FTO: variants seen among roughly 807,000 people sequenced by gnomAD.
FTO encodes FTO alpha-ketoglutarate dependent dioxygenase.
FTO carries 47 observed loss-of-function variants against 63.9 expected under a neutral mutation model. The ratio of observed to expected loss-of-function variants is 0.74; its 90% CI spans 0.58 to 0.94. The LOEUF (loss-of-function observed/expected upper bound fraction) is 0.94. Ranked by LOEUF, FTO falls within the 40% of genes least tolerant of loss-of-function variation. The pLI is 0.00. For synonymous variants in FTO, 207 were observed against 224.4 expected, an observed-to-expected ratio of 0.92 and a Z score of 0.69; for missense variants, 562 against 618.1, an observed-to-expected ratio of 0.91 and a Z score of 0.96.
chr16:53,871,974 A>G (rs904824971), intron 4 of FTO, among the ~76,000 whole-genome samples: 4 of 151,908 alleles, frequency 2.6e-5, no homozygotes, highest in Non-Finnish European at 5.9e-5. Flanking sequence ...TAATCCACCC[A>G]CTTCGGCCTC....
At chr16:53,774,650 A>G (rs189965208) in intron 1 of FTO, among the ~76,000 whole-genome samples, 108 of 152,238 alleles carry the variant, frequency 7.1e-4, no homozygotes, top group Non-Finnish European at 1.3e-3. Flanking sequence ...ACTATGTGAG[A>G]TAGGGAAATA....
chr16:54,074,950 G>A (rs865795000), intron 8 of FTO, among the ~76,000 whole-genome samples: 1 of 147,288 alleles, frequency 6.8e-6, no homozygotes. Flanking sequence ...GTGTGTGTGT[G>A]TGTGTAAACT....
intron 8 of FTO, among the ~76,000 whole-genome samples, chr16:54,108,935 T>C (rs1281870441): frequency 6.6e-6 from 1 of 152,094 alleles, no homozygotes; most frequent in Non-Finnish European, 1.5e-5. Context: ...GAAGAATGAG[T>C]GACCTGAGCA....
chr16:53,774,306 C>T (rs1407798348), intron 1 of FTO, among the ~76,000 whole-genome samples: 2 of 152,118 alleles, frequency 1.3e-5, no homozygotes, highest in African/African-American at 4.8e-5. Context: ...ACAATAACTT[C>T]TCAATATACC....
chr16:53,783,285 A>G (rs920217501), intron 1 of FTO, among the ~76,000 whole-genome samples: 13 of 151,852 alleles, frequency 8.6e-5, no homozygotes, highest in African/African-American at 3.1e-4. Flanking sequence ...TCCGAGACCA[A>G]CCCGGCCAAG....
chr16:53,841,763 A>G (rs8055484), intron 3 of FTO, among the ~76,000 whole-genome samples: 69,315 of 152,090 alleles, frequency 0.46, 16,317 homozygotes, highest in South Asian at 0.55. Context: ...TATGTGATAT[A>G]TACATGATAC....
chr16:53,756,647 T>A (rs1291669080), intron 1 of FTO, among the ~76,000 whole-genome samples: 2 of 152,210 alleles, frequency 1.3e-5, no homozygotes, highest in Non-Finnish European at 2.9e-5. Flanking sequence ...TTTCAAAACT[T>A]TTGAAAGAGA....
chr16:53,866,172 A>G lies in FTO; in HGVS notation c.896-7614A>G, dbSNP rs376131425. Among the ~76,000 whole-genome samples, 6 of 151,798 alleles carry G rather than the reference A, an allele frequency of 4.0e-5. 1 individual carries two copies. Among genetic ancestry groups the G allele is most frequent in the African/African-American group, 1.4e-4 (6 of 41,388 alleles). On this transcript the variant is annotated intron_variant, in intron 4 of 8. Coordinates refer to ENST00000471389, the MANE Select transcript of FTO (RefSeq NM_001080432.3). Reference sequence around the variant, plus strand: ...GTATGATCATATTTTTTTTCTTTGTAGCTTGTTGGTGTGATAGATTATATT... The same window carrying G: ...GTATGATCATATTTTTTTTCTTTGTGGCTTGTTGGTGTGATAGATTATATT...
rs1292118377 is a variant in FTO at position 53,841,100 on chromosome 16, T to C, written c.752-3055T>C. 2.3e-5 allele frequency among the ~76,000 whole-genome samples: 2 copies of C among 86,016 alleles called. 1 individual carries two copies. Among genetic ancestry groups the C allele is most frequent in the Non-Finnish European group, 4.9e-5 (2 of 41,122 alleles). 56.4% of individuals were successfully genotyped at this position (86,016 alleles called of 152,430 possible). A position where few individuals can be genotyped will look rare whatever the true frequency, so the allele number is the denominator to read the frequency against. ...TGTCATCAGACATCGATAGCAACTA[T>C]CTAATGCTGGTGCTGCCACTCACTA... On this transcript the variant is annotated intron_variant, in intron 3 of 8. Transcript: ENST00000471389.
intron 4 of FTO, among the ~76,000 whole-genome samples, chr16:53,865,558 CTTGAGT>C (rs1313823120): frequency 6.6e-6 from 1 of 152,104 alleles, no homozygotes; most frequent in Non-Finnish European, 1.5e-5. Context: ...AAGAGTTGTT[CTTGAGT>C]TTATTTTTTC....
intron 3 of FTO, among the ~76,000 whole-genome samples, chr16:53,830,958 G>A (rs565887114): frequency 3.3e-5 from 5 of 152,176 alleles, no homozygotes; most frequent in South Asian, 2.1e-4. Flanking sequence ...GGAAGAAACC[G>A]ATCCATGTTT....
At chr16:53,756,547 A>T (rs1338943466) in intron 1 of FTO, among the ~76,000 whole-genome samples, 1 of 152,226 alleles carries the variant, frequency 6.6e-6, no homozygotes, top group Non-Finnish European at 1.5e-5. Flanking sequence ...ATTAGATAAC[A>T]TGTACTACAA....
intron 1 of FTO, among the ~76,000 whole-genome samples, chr16:53,797,147 G>A (rs2078097659): frequency 6.6e-6 from 1 of 152,212 alleles, no homozygotes; most frequent in African/African-American, 2.4e-5. Flanking sequence ...CAGGCACAGA[G>A]ATTTCCCATA....
intron 3 of FTO, among the ~76,000 whole-genome samples, chr16:53,839,856 G>A (rs1204520850): frequency 6.6e-6 from 1 of 150,822 alleles, no homozygotes; most frequent in Admixed American, 6.6e-5. Flanking sequence ...CCAGGCTGGA[G>A]TGCAGTGGCG....
At chr16:53,857,053 T>C (rs1360762805) in intron 4 of FTO, among the ~76,000 whole-genome samples, 1 of 146,996 alleles carries the variant, frequency 6.8e-6, no homozygotes, top group Non-Finnish European at 1.5e-5. Flanking sequence ...CTGTTGACTG[T>C]TGTTATTGGT....
intron 3 of FTO, among the ~76,000 whole-genome samples, chr16:53,831,260 C>A (rs542904986): frequency 6.6e-6 from 1 of 152,192 alleles, no homozygotes; most frequent in Non-Finnish European, 1.5e-5. Flanking sequence ...TGTCTAAAAT[C>A]TCAAAGCTTA....
intron 4 of FTO, among the ~76,000 whole-genome samples, chr16:53,852,493 T>C (rs1039289655): frequency 6.6e-6 from 1 of 152,152 alleles, no homozygotes; most frequent in East Asian, 1.9e-4. Context: ...TTTGACATGA[T>C]TGAGGTTTAC....
intron 1 of FTO, among the ~76,000 whole-genome samples, chr16:53,723,732 T>C (rs1808834175): frequency 6.6e-6 from 1 of 152,182 alleles, no homozygotes; most frequent in South Asian, 2.1e-4. Context: ...ACCAAGGACC[T>C]AACGAAAAGG....
At chr16:53,708,797 C>T (rs2075694592) in intron 1 of FTO, among the ~76,000 whole-genome samples, 1 of 152,130 alleles carries the variant, frequency 6.6e-6, no homozygotes. Flanking sequence ...TTCTCATGTG[C>T]TTATTGGACA....
Sources: allele counts gnomAD v4.1 joint callset (sites outside exome capture counted in the v4.1 genomes callset), GRCh38; gene constraint gnomAD v4.1.1; transcripts MANE v1.5; gene names NCBI Gene and HGNC (gene_info 2026-07-23, HGNC 2026-07-21).